The following POU2F3 variants were observed in gnomAD, a reference collection of about 807,000 sequenced individuals.
POU2F3 encodes POU class 2 homeobox 3.
In POU2F3, 23 loss-of-function variants were observed where a neutral mutation model predicts 59.2. That is an observed-to-expected ratio of 0.39 (90% CI 0.28 to 0.55). The LOEUF is 0.55. Among genes scored for constraint, POU2F3 ranks in the 20% least tolerant of loss-of-function variants. The pLI is 0.66. For missense variants in POU2F3, 473 were observed against 544.5 expected (o/e 0.87, Z 1.31); for synonymous variants, 190 against 214.6 (o/e 0.89, Z 1.00).
intron 3 of POU2F3, among the ~76,000 whole-genome samples, chr11:120,282,362 A>T (rs1400720551): frequency 1.3e-5 from 2 of 152,272 alleles, no homozygotes; most frequent in Non-Finnish European, 2.9e-5. Flanking sequence ...ATCTGTGTTT[A>T]AAGAAATATT....
intron 3 of POU2F3, among the ~76,000 whole-genome samples, chr11:120,284,577 T>G (rs1257299160): frequency 6.6e-6 from 1 of 152,104 alleles, no homozygotes; most frequent in Non-Finnish European, 1.5e-5. Context: ...CCAACCCAGT[T>G]TGAGGTTTGT....
intron 12 of POU2F3, among the ~76,000 whole-genome samples, chr11:120,317,586 G>A (rs1941822098): frequency 6.6e-6 from 1 of 152,212 alleles, no homozygotes; most frequent in African/African-American, 2.4e-5. Flanking sequence ...GCAAGGAGCT[G>A]ATGTCAACAA....
At chr11:120,286,230 A>G (rs537771734) in intron 3 of POU2F3, among the ~76,000 whole-genome samples, 6 of 152,180 alleles carry the variant, frequency 3.9e-5, no homozygotes, top group African/African-American at 1.4e-4. Context: ...TCCCCAATCG[A>G]TGGATATTAG....
rs1940307043 is a variant in POU2F3 at position 120,276,109 on chromosome 11, G to A, written c.132+6865G>A. Among the ~76,000 whole-genome samples, 3 of 152,174 alleles carry A rather than the reference G, an allele frequency of 2.0e-5. No homozygotes were observed. The South Asian group carries it at 6.2e-4, about 32-fold the overall frequency. On this transcript the variant is annotated intron_variant, in intron 3 of 12. Transcript: ENST00000543440. Reference sequence around the variant, plus strand: ...CAGGCCCTGGAGTTGGCAACGGAGGGTCCGTGGTGATGGCAGAGTAAGTGC... The same window carrying A: ...CAGGCCCTGGAGTTGGCAACGGAGGATCCGTGGTGATGGCAGAGTAAGTGC...
At chr11:120,310,070 G>C (rs1267049307) in intron 10 of POU2F3, among the ~76,000 whole-genome samples, 2 of 152,218 alleles carry the variant, frequency 1.3e-5, no homozygotes, top group Non-Finnish European at 2.9e-5. Context: ...GAAGCCATTG[G>C]AGAGCTCTAG....
upstream of POU2F3, among the ~76,000 whole-genome samples, chr11:120,239,523 G>C (rs1938581499): frequency 6.6e-6 from 1 of 152,130 alleles, no homozygotes; most frequent in South Asian, 2.1e-4. Context: ...AGACTGGAGG[G>C]GCAAGCAGGA....
At chr11:120,236,750 A>G (rs529188578), upstream of POU2F3, 6 of 1,428,366 alleles carry the variant, frequency 4.2e-6, no homozygotes, top group Admixed American at 3.9e-5. Flanking sequence ...CATCTAACTG[A>G]AATGATCAGT....
chr11:120,260,392 C>T (rs1262108170), intron 2 of POU2F3, among the ~76,000 whole-genome samples: 7 of 152,230 alleles, frequency 4.6e-5, no homozygotes, highest in Admixed American at 3.3e-4. Flanking sequence ...TGGGCATCCA[C>T]GGTGTCCACA....
intron 2 of POU2F3, 91 bp downstream of exon 2, chr11:120,246,608 C>G (rs1271410647): frequency 1.4e-6 from 2 of 1,406,834 alleles, no homozygotes; most frequent in Admixed American, 1.8e-5. Flanking sequence ...CTTGCTTGGT[C>G]TTTCAGCCAA....
intron 2 of POU2F3, among the ~76,000 whole-genome samples, chr11:120,248,062 G>A (rs577869516): frequency 2.0e-5 from 3 of 152,352 alleles, no homozygotes; most frequent in South Asian, 2.1e-4. Context: ...TCCTGGTGGG[G>A]GTTAGGAAGG....
intron 2 of POU2F3, among the ~76,000 whole-genome samples, chr11:120,262,270 AACATTT>A (rs1939631011): frequency 6.6e-6 from 1 of 152,254 alleles, no homozygotes; most frequent in African/African-American, 2.4e-5. Flanking sequence ...TTCAATAATG[AACATTT>A]CGCCATATTT....
At position 120,267,564 on chromosome 11, in the gene POU2F3, C is replaced by T. The variant is rs571406697; in HGVS notation, c.98-1646C>T. On this transcript the variant is annotated intron_variant, in intron 2 of 12. Transcript: ENST00000543440. ...GCCAGCCCACCTGCTCTCAGAGATG[C>T]GTCATGACCTCATGACCACACAGGA... 5.2e-5 allele frequency among the ~76,000 whole-genome samples: 5 copies of T among 96,664 alleles called. No homozygotes were observed. The South Asian group carries it at 2.3e-3, about 45-fold the overall frequency. 63.4% of individuals were successfully genotyped at this position (96,664 alleles called of 152,430 possible).
chr11:120,295,461 A>G (rs1270590255), intron 3 of POU2F3, among the ~76,000 whole-genome samples: 4 of 152,246 alleles, frequency 2.6e-5, no homozygotes, highest in African/African-American at 9.6e-5. Flanking sequence ...GGGATGGCAG[A>G]TGCCTGGGGG....
intron 12 of POU2F3, among the ~76,000 whole-genome samples, chr11:120,317,869 T>C (rs1941829007): frequency 6.6e-6 from 1 of 152,182 alleles, no homozygotes; most frequent in Non-Finnish European, 1.5e-5. Context: ...GAATCTACTC[T>C]AAAAAGTATT....
Position 120,315,364 on chromosome 11 carries a change from T to G in POU2F3, c.1072T>G (p.Ser358Ala). ...ACAAGCTTCTGTTGTTTTTCAGGTA[T>G]CTCCCTCAGGGTCTCTGGGCCCCCT... is the stretch of plus-strand genomic sequence containing the variant. ...KPPVYNSRLVSPSGSLGPLSV... is the reference protein window; with the variant it reads ...KPPVYNSRLVAPSGSLGPLSV... The change falls in exon 11 of 13, where the codon TCT becomes GCT. Residue 358 changes from serine (S) to alanine (A), a missense_variant. Transcript: ENST00000543440. 1 of 1,612,504 alleles carries G rather than the reference T, an allele frequency of 6.2e-7. No homozygotes were observed. Among genetic ancestry groups the G allele is most frequent in the Non-Finnish European group, 8.5e-7 (1 of 1,178,520 alleles).
chr11:120,242,393 G>C (rs1294989234), intron 1 of POU2F3, among the ~76,000 whole-genome samples: 2 of 152,152 alleles, frequency 1.3e-5, no homozygotes, highest in Non-Finnish European at 2.9e-5. Flanking sequence ...TCCCTCTATG[G>C]AATATCTCAT....
intron 5 of POU2F3, chr11:120,302,032 G>A (rs926121685): frequency 9.1e-6 from 4 of 441,000 alleles, no homozygotes; most frequent in African/African-American, 4.0e-5. Context: ...CAGACAGGCG[G>A]GCAGGTGGAA....
rs750303020 is a variant in POU2F3, at chr11:120,317,383, T to A, written c.1271+19T>A. On this transcript the variant is annotated intron_variant, in intron 12 of 12. Coordinates refer to ENST00000543440, the MANE Select transcript of POU2F3 (RefSeq NM_014352.4). The stretch of plus-strand genomic sequence containing the variant: ...CTTCAGGGTAAGGTGAAGGGGACGG[T>A]GCAGAGACATCCCAGCAGGGCCAAG... 9.9e-6 allele frequency: 16 copies of A among 1,613,744 alleles called. No individual in the cohort carries two copies. The African/African-American group carries it at 1.5e-4, about 15-fold the overall frequency.
Position 120,319,943 on chromosome 11 carries a change from G to C in POU2F3, c.*1551G>C, listed in dbSNP as rs1021204890. The C allele has an allele frequency of 6.6e-6, 1 of 152,498 alleles. No individual in the cohort carries two copies. Among genetic ancestry groups the C allele is most frequent in the Non-Finnish European group, 1.5e-5 (1 of 68,016 alleles). The allele number at this position is 152,498 out of a possible 1,614,324, so 9.4% of individuals were successfully genotyped here. On this transcript the variant is annotated 3_prime_UTR_variant, in exon 13 of 13. Coordinates refer to ENST00000543440, the MANE Select transcript of POU2F3 (RefSeq NM_014352.4). Reference sequence around the variant, plus strand: ...TAAATGTGTATAGTGATTATGAAAAGTATCCCACTGTTGATAAGAAGAGGT... The same window carrying C: ...TAAATGTGTATAGTGATTATGAAAACTATCCCACTGTTGATAAGAAGAGGT...
Sources: allele counts gnomAD v4.1 joint callset (sites outside exome capture counted in the v4.1 genomes callset), GRCh38; gene constraint gnomAD v4.1.1; transcripts MANE v1.5; gene names NCBI Gene and HGNC (gene_info 2026-07-23, HGNC 2026-07-21).